Variants in EXOC2 observed in about 807,000 individuals in gnomAD.
The protein encoded by EXOC2 is exocyst complex component 2, also known as SEC5-like 1.
In EXOC2, 70 loss-of-function variants were observed where a neutral mutation model predicts 131.8. That is an observed-to-expected ratio of 0.53 (90% CI 0.44 to 0.65). The LOEUF is 0.65. EXOC2 is among the 30% of genes least tolerant of loss of function. EXOC2 has a pLI of 0.00. For synonymous variants in EXOC2, 411 were observed against 398.4 expected (o/e 1.03, Z -0.38); for missense variants, 923 against 1,108.6 (o/e 0.83, Z 2.38).
chr6:596,554 A>C (rs571817856), intron 10 of EXOC2, among the ~76,000 whole-genome samples: 5 of 152,140 alleles, frequency 3.3e-5, no homozygotes, highest in Non-Finnish European at 5.9e-5. Flanking sequence ...TTTTGCAGAG[A>C]CCAGGTTTTG....
At chr6:585,479 C>G (rs942942222) in intron 11 of EXOC2, among the ~76,000 whole-genome samples, 1 of 152,182 alleles carries the variant, frequency 6.6e-6, no homozygotes, top group Non-Finnish European at 1.5e-5. Flanking sequence ...ATGCAGGACT[C>G]ATAGAATTAT....
At chr6:680,764 C>A (rs1377001333) in intron 1 of EXOC2, among the ~76,000 whole-genome samples, 2 of 152,202 alleles carry the variant, frequency 1.3e-5, no homozygotes, top group Middle Eastern at 6.8e-3. Context: ...TGATAGTATC[C>A]TTTACATTAA....
intron 21 of EXOC2, among the ~76,000 whole-genome samples, chr6:549,706 G>C (rs1482132483): frequency 6.6e-6 from 1 of 152,156 alleles, no homozygotes; most frequent in African/African-American, 2.4e-5. Flanking sequence ...TTAAAATGTA[G>C]AAACTATTAT....
At chr6:507,066 A>C (rs746220877) in intron 23 of EXOC2, among the ~76,000 whole-genome samples, 245 of 124,992 alleles carry the variant, frequency 2.0e-3, no homozygotes, top group Non-Finnish European at 2.9e-3. Flanking sequence ...CAGTGATCCC[A>C]CACACACACA....
chr6:551,354 C>T, intron 21 of EXOC2, among the ~76,000 whole-genome samples: 1 of 152,298 alleles, frequency 6.6e-6, no homozygotes, highest in Middle Eastern at 3.4e-3. Flanking sequence ...AAGAAGATCG[C>T]ACCAAATCTG....
At chr6:503,252 T>C (rs558959519) in intron 23 of EXOC2, among the ~76,000 whole-genome samples, 9 of 152,212 alleles carry the variant, frequency 5.9e-5, no homozygotes, top group African/African-American at 1.9e-4. Context: ...CTAACATAAA[T>C]TCATTGAGAT....
chr6:624,930 C>T (rs535591523), intron 4 of EXOC2, among the ~76,000 whole-genome samples: 13 of 152,274 alleles, frequency 8.5e-5, no homozygotes, highest in Admixed American at 3.3e-4. Flanking sequence ...TACTTCAAAC[C>T]AAGCCTGCAT....
At chr6:532,075 C>G (rs1766118009) in intron 23 of EXOC2, among the ~76,000 whole-genome samples, 1 of 152,200 alleles carries the variant, frequency 6.6e-6, no homozygotes, top group South Asian at 2.1e-4. Flanking sequence ...CATCACTAAT[C>G]AGGTCTTACA....
Position 598,850 on chromosome 6 carries a change from T to C in EXOC2, c.970+10A>G, listed in dbSNP as rs1414232534. On this transcript the variant is annotated intron_variant, in intron 9 of 27. Transcript: ENST00000230449. The stretch of plus-strand genomic sequence containing the variant: ...AAGGAGAAGATCTAAAAGTAATACA[T>C]GAATCTTACATTTCTTGAAAACTTG... 6.9e-6 allele frequency: 11 copies of C among 1,598,806 alleles called. No individual in the cohort carries two copies. The highest frequency in any genetic ancestry group is 3.3e-4 in the Middle Eastern group (2 of 6,038).
At chr6:554,146 A>G (rs1757296141) in intron 20 of EXOC2, among the ~76,000 whole-genome samples, 1 of 151,460 alleles carries the variant, frequency 6.6e-6, no homozygotes, top group Non-Finnish European at 1.5e-5. Context: ...GGTTCAACCC[A>G]TTCTTCTGCC....
rs1013762401 is a variant in EXOC2 at position 506,167 on chromosome 6, T to G, written c.2381-6467A>C. Among the ~76,000 whole-genome samples, 31 of 152,254 alleles carry G rather than the reference T, an allele frequency of 2.0e-4. 1 individual carries two copies. The highest frequency in any genetic ancestry group is 2.5e-4 in the Non-Finnish European group (17 of 68,040). ...AGTAGTATAGAATATTGCTGAGGCT[T>G]AATCTATTTGCTTTCCAAAATATGC... On this transcript the variant is annotated intron_variant, in intron 23 of 27. Coordinates refer to ENST00000230449, the MANE Select transcript of EXOC2 (RefSeq NM_018303.6). The surrounding 1 kb of genome is among the most constrained non-coding windows in gnomAD (Gnocchi z 4.4).
intron 23 of EXOC2, among the ~76,000 whole-genome samples, chr6:511,470 T>C (rs534380909): frequency 3.1e-4 from 47 of 152,322 alleles, no homozygotes; most frequent in Non-Finnish European, 5.6e-4. Flanking sequence ...GAAATCTAGG[T>C]AGAAATGCAT....
intron 11 of EXOC2, among the ~76,000 whole-genome samples, chr6:591,206 T>A (rs1037838633): frequency 3.3e-5 from 5 of 152,126 alleles, no homozygotes; most frequent in African/African-American, 4.8e-5. Context: ...ATCCACCCAC[T>A]ATGGGCGGCC....
At chr6:562,520 G>T (rs759145826) in intron 17 of EXOC2, among the ~76,000 whole-genome samples, 4 of 152,182 alleles carry the variant, frequency 2.6e-5, no homozygotes, top group Non-Finnish European at 4.4e-5. Context: ...AGCATACTCT[G>T]TTTTTAAAAA....
chr6:515,740 G>GTGGGTATCTGCA (rs1765123198), intron 23 of EXOC2, among the ~76,000 whole-genome samples: 1 of 148,202 alleles, frequency 6.7e-6, no homozygotes, highest in East Asian at 2.0e-4. Context: ...CACACAGCTG[G>GTGGGTATCTGCA]GGCGGTCCTA....
At chr6:692,654 C>G (rs1023205936) in intron 1 of EXOC2, among the ~76,000 whole-genome samples, 3 of 152,282 alleles carry the variant, frequency 2.0e-5, no homozygotes, top group African/African-American at 7.2e-5. Context: ...GAGAAATTCT[C>G]AAATCTCACG....
At chr6:596,061 T>C (rs1229688102) in intron 10 of EXOC2, among the ~76,000 whole-genome samples, 1 of 152,012 alleles carries the variant, frequency 6.6e-6, no homozygotes, top group Non-Finnish European at 1.5e-5. Context: ...ACCTGTACAA[T>C]GGGCACCGCA....
At chr6:523,921 T>C (rs1258765990) in intron 23 of EXOC2, among the ~76,000 whole-genome samples, 1 of 152,160 alleles carries the variant, frequency 6.6e-6, no homozygotes, top group African/African-American at 2.4e-5. Flanking sequence ...ATGTTATTAT[T>C]TGAAGGTGAT....
At chr6:685,869 CTTTTTTTTT>C (rs58892194) in intron 1 of EXOC2, among the ~76,000 whole-genome samples, 2 of 98,240 alleles carry the variant, frequency 2.0e-5, no homozygotes, top group African/African-American at 8.0e-5. Flanking sequence ...TCCTGGACCT[CTTTTTTTTT>C]TTTTTTTTTT....
Sources: gnomAD v4.1 joint callset for allele counts (sites outside exome capture counted in the v4.1 genomes callset) on GRCh38, gnomAD v4.1.1 for gene constraint, Gnocchi (gnomAD v3.1) non-coding constraint, MANE v1.5 for transcripts, NCBI Gene and HGNC (gene_info 2026-07-23, HGNC 2026-07-21) for gene names.